ROBO2: variants seen among roughly 807,000 people sequenced by gnomAD.
ROBO2 encodes the protein roundabout homolog 2.
Under a neutral mutation model 160.8 loss-of-function variants are expected in ROBO2, and 53 were observed. The ratio of observed to expected loss-of-function variants is 0.33; its 90% CI spans 0.26 to 0.41. ROBO2 has a LOEUF of 0.41. Ranked by LOEUF, ROBO2 falls within the 10% of genes least tolerant of loss-of-function variation. ROBO2 has a pLI of 1.00. For missense variants in ROBO2, 1,577 were observed against 1,722.4 expected (o/e 0.92, Z 1.49); for synonymous variants, 664 against 611.7 (o/e 1.09, Z -1.26).
At chr3:77,646,140 A>G in exon 26 of ROBO2, 1 of 978,242 alleles carries the variant, frequency 1.0e-6, no homozygotes. Flanking sequence ...AGTGCAATGA[A>G]CAATTTATTT....
At chr3:76,458,800 C>T (rs761187815) in intron 2 of ROBO2, among the ~76,000 whole-genome samples, 14 of 152,122 alleles carry the variant, frequency 9.2e-5, no homozygotes, top group Non-Finnish European at 1.6e-4. Context: ...GCGGAAACCC[C>T]TAGTAGACCC....
intron 1 of ROBO2, among the ~76,000 whole-genome samples, chr3:75,918,126 C>T (rs957032250): frequency 6.6e-6 from 1 of 152,018 alleles, no homozygotes; most frequent in Non-Finnish European, 1.5e-5. Context: ...TGTCCTGAAT[C>T]GTATTGCCTA....
intron 1 of ROBO2, among the ~76,000 whole-genome samples, chr3:77,046,459 C>T (rs1417246194): frequency 6.6e-6 from 1 of 152,032 alleles, no homozygotes; most frequent in Non-Finnish European, 1.5e-5. Context: ...GAGATCTCAG[C>T]AATAGTAAAT....
At chr3:76,649,031 G>A (rs13076935) in intron 2 of ROBO2, among the ~76,000 whole-genome samples, 25,462 of 151,960 alleles carry the variant, frequency 0.17, 2,341 homozygotes, top group Non-Finnish European at 0.2. Context: ...GTCAGGAAAT[G>A]GAATCTCTTT....
At chr3:76,306,361 C>T (rs1194818981) in intron 2 of ROBO2, among the ~76,000 whole-genome samples, 1 of 151,848 alleles carries the variant, frequency 6.6e-6, no homozygotes. Flanking sequence ...ACATAACTCA[C>T]ATTATGCCAT....
At chr3:75,973,071 G>A (rs1266616192) in intron 2 of ROBO2, among the ~76,000 whole-genome samples, 1 of 151,696 alleles carries the variant, frequency 6.6e-6, no homozygotes, top group African/African-American at 2.4e-5. Flanking sequence ...CCTGAAGTAA[G>A]AAGACATAGA....
intron 2 of ROBO2, among the ~76,000 whole-genome samples, chr3:76,363,700 C>T (rs2075654982): frequency 6.6e-6 from 1 of 151,966 alleles, no homozygotes; most frequent in South Asian, 2.1e-4. Flanking sequence ...CTTAATAAGA[C>T]TCCTTAGGGA....
chr3:77,353,751 T>G (rs981120337), intron 2 of ROBO2, among the ~76,000 whole-genome samples: 4 of 152,102 alleles, frequency 2.6e-5, no homozygotes, highest in Non-Finnish European at 5.9e-5. Flanking sequence ...CCTCAAGTGA[T>G]CTGCCTGCCT....
intron 2 of ROBO2, among the ~76,000 whole-genome samples, chr3:77,014,526 C>T (rs768229825): frequency 6.6e-6 from 1 of 152,188 alleles, no homozygotes; most frequent in Non-Finnish European, 1.5e-5. Flanking sequence ...CACTCACTTT[C>T]TAAGATGCAA....
At chr3:77,305,736 C>CA (rs996459591) in intron 2 of ROBO2, among the ~76,000 whole-genome samples, 7 of 151,988 alleles carry the variant, frequency 4.6e-5, no homozygotes, top group Non-Finnish European at 8.8e-5. Context: ...GAAAACAAAC[C>CA]AAAAAAATCT....
chr3:76,064,168 C>T (rs972439380), intron 2 of ROBO2, among the ~76,000 whole-genome samples: 1 of 152,120 alleles, frequency 6.6e-6, no homozygotes, highest in Non-Finnish European at 1.5e-5. Context: ...TCGTGAGACC[C>T]AGAGCAGAGG....
chr3:77,522,818 A>G (rs769950032), exon 6 of ROBO2: 7 of 1,609,638 alleles, frequency 4.3e-6, no homozygotes, highest in Non-Finnish European at 5.1e-6. Flanking sequence ...TAAAAAGACC[A>G]TGAGTACAGA....
At chr3:76,087,281 A>G (rs544685023) in intron 2 of ROBO2, among the ~76,000 whole-genome samples, 1 of 152,054 alleles carries the variant, frequency 6.6e-6, no homozygotes, top group South Asian at 2.1e-4. Flanking sequence ...TTTTTAAAAT[A>G]CCTTAATTAT....
chr3:77,590,916 C>T (rs2094165196), intron 17 of ROBO2, among the ~76,000 whole-genome samples: 1 of 152,068 alleles, frequency 6.6e-6, no homozygotes, highest in Admixed American at 6.6e-5. Context: ...TGCTACTCAT[C>T]TGCTTGTAGA....
intron 2 of ROBO2, among the ~76,000 whole-genome samples, chr3:77,286,360 G>A (rs577470908): frequency 2.0e-5 from 3 of 148,286 alleles, no homozygotes; most frequent in Non-Finnish European, 3.0e-5. Context: ...AAGTTCGAAC[G>A]ATTCTTTTGC....
At chr3:76,948,877 TATATA>T (rs1559749488) in intron 2 of ROBO2, among the ~76,000 whole-genome samples, 597 of 48,992 alleles carry the variant, frequency 0.012, 19 homozygotes, top group Middle Eastern at 0.038. Context: ...GCTAATTTTA[TATATA>T]TATATATATA....
chr3:76,434,505 AAG>A, intron 2 of ROBO2: 2 of 1,558,476 alleles, frequency 1.3e-6, no homozygotes, highest in Non-Finnish European at 1.8e-6. Context: ...CGAGTCCTCA[AAG>A]AGTACAAAGA....
chr3:76,540,952 A>T (rs1016703941), intron 2 of ROBO2, among the ~76,000 whole-genome samples: 7 of 152,106 alleles, frequency 4.6e-5, no homozygotes, highest in African/African-American at 1.7e-4. Context: ...GGCATGCACC[A>T]CCGCATCTAG....
At chr3:76,335,171 C>CTGTTT (rs1559782923) in intron 2 of ROBO2, among the ~76,000 whole-genome samples, 1 of 124,342 alleles carries the variant, frequency 8.0e-6, no homozygotes, top group Non-Finnish European at 1.7e-5. Context: ...CCAAACTTTT[C>CTGTTT]TGTTTTGTTT....
Sources: gnomAD v4.1 joint callset for allele counts (sites outside exome capture counted in the v4.1 genomes callset) on GRCh38, gnomAD v4.1.1 for gene constraint, MANE v1.5 for transcripts, NCBI Gene and HGNC (gene_info 2026-07-23, HGNC 2026-07-21) for gene names.